The following SNX8 variants were observed in gnomAD, a reference collection of about 807,000 sequenced individuals.
The protein encoded by SNX8 is sorting nexin 8, also known as sorting nexin-8.
A neutral mutation model predicts 51.6 loss-of-function variants in SNX8; 25 were observed. The ratio of observed to expected loss-of-function variants is 0.48; its 90% CI spans 0.35 to 0.68. The LOEUF is 0.68. Ranked by LOEUF, SNX8 falls within the 30% of genes least tolerant of loss-of-function variation. SNX8 has a pLI of 0.00. For synonymous variants in SNX8, 324 were observed against 277.0 expected (o/e 1.17, Z -1.68); for missense variants, 695 against 624.0 (o/e 1.11, Z -1.21).
At chr7:2,319,642 C>G (rs532935318) in intron 1 of SNX8, among the ~76,000 whole-genome samples, 1 of 152,154 alleles carries the variant, frequency 6.6e-6, no homozygotes, top group Non-Finnish European at 1.5e-5. Flanking sequence ...GGTGAAACCC[C>G]GTCTCTACTA....
chr7:2,318,368 T>C (rs1011577793), upstream of SNX8, among the ~76,000 whole-genome samples: 1 of 151,602 alleles, frequency 6.6e-6, no homozygotes, highest in Non-Finnish European at 1.5e-5. Flanking sequence ...CTGGCCAACA[T>C]GAGGAAACCA....
chr7:2,331,682 G>A (rs1340347049), intron 1 of SNX8, among the ~76,000 whole-genome samples: 2 of 150,938 alleles, frequency 1.3e-5, no homozygotes. Flanking sequence ...TCCAGCCTGG[G>A]CAACAGAGTG....
intron 1 of SNX8, 67 bp from the exon 2 acceptor site, chr7:2,278,372 A>G (rs529291115): frequency 2.0e-6 from 2 of 1,011,892 alleles, no homozygotes; most frequent in East Asian, 2.6e-5. Flanking sequence ...GGCTGGGCAC[A>G]GTGGCGCAGC....
intron 5 of SNX8, among the ~76,000 whole-genome samples, chr7:2,268,461 GC>G (rs1429246023): frequency 1.5e-5 from 2 of 129,750 alleles, no homozygotes; most frequent in Non-Finnish European, 3.4e-5. Flanking sequence ...GGGGGGGTCA[GC>G]CCCCCGCCCG....
intron 1 of SNX8, among the ~76,000 whole-genome samples, chr7:2,352,909 CCCAAAGATACA>C (rs1025982553): frequency 6.6e-6 from 1 of 152,120 alleles, no homozygotes; most frequent in African/African-American, 2.4e-5. Flanking sequence ...AAGTGACCTG[CCCAAAGATACA>C]CCACTGACAG....
intron 1 of SNX8, among the ~76,000 whole-genome samples, chr7:2,298,748 G>C (rs1431461186): frequency 6.6e-6 from 1 of 151,786 alleles, no homozygotes; most frequent in Non-Finnish European, 1.5e-5. Flanking sequence ...CTGGAGTGCA[G>C]TGGCACGATC....
chr7:2,287,305 C>G (rs1438657815), intron 1 of SNX8, among the ~76,000 whole-genome samples: 1 of 150,186 alleles, frequency 6.7e-6, no homozygotes, highest in Non-Finnish European at 1.5e-5. Context: ...ATTGTCCAGG[C>G]GGGGTGCCTC....
chr7:2,259,150 G>A (rs1258667205), intron 7 of SNX8, among the ~76,000 whole-genome samples: 1 of 152,216 alleles, frequency 6.6e-6, no homozygotes, highest in East Asian at 1.9e-4. Flanking sequence ...TCTGGAGACA[G>A]CAGGGGTCTG....
chr7:2,285,407 C>T (rs1796005694), intron 1 of SNX8, among the ~76,000 whole-genome samples: 1 of 152,014 alleles, frequency 6.6e-6, no homozygotes, highest in South Asian at 2.1e-4. Flanking sequence ...AAAACTTTCT[C>T]TAAGCTACTA....
intron 1 of SNX8, among the ~76,000 whole-genome samples, chr7:2,304,331 T>C (rs1584723948): frequency 6.6e-6 from 1 of 151,146 alleles, no homozygotes; most frequent in African/African-American, 2.4e-5. Flanking sequence ...GATCACGAGG[T>C]CAGGAGATAG....
At chr7:2,291,052 GGGA>G (rs1184572421) in intron 1 of SNX8, among the ~76,000 whole-genome samples, 1 of 152,132 alleles carries the variant, frequency 6.6e-6, no homozygotes, top group African/African-American at 2.4e-5. Context: ...CCAGAACTTT[GGGA>G]GGCTGAGGCT....
At chr7:2,274,457 A>G (rs1795727039) in intron 3 of SNX8, among the ~76,000 whole-genome samples, 1 of 152,148 alleles carries the variant, frequency 6.6e-6, no homozygotes, top group African/African-American at 2.4e-5. Context: ...GCTGAGGGAG[A>G]GACCACCAGT....
intron 1 of SNX8, among the ~76,000 whole-genome samples, chr7:2,308,978 G>A (rs141370993): frequency 0.014 from 2,116 of 151,980 alleles, 49 homozygotes; most frequent in African/African-American, 0.048. Flanking sequence ...TTGTACAGAC[G>A]GGGTTTCACC....
rs186963758 is a variant in SNX8, at chr7:2,259,957, G to A, written c.916-2154C>T. Reference sequence around the variant, plus strand: ...TTGTCTTGAGCCACACATAAAATACGCTAACACTATGATAGCTGATGAACT... The same window carrying A: ...TTGTCTTGAGCCACACATAAAATACACTAACACTATGATAGCTGATGAACT... On this transcript the variant is annotated intron_variant, in intron 7 of 10. Coordinates refer to ENST00000222990, the MANE Select transcript of SNX8 (RefSeq NM_013321.4). Among the ~76,000 whole-genome samples, 25 of 151,848 alleles carry A rather than the reference G, an allele frequency of 1.6e-4. No homozygotes were observed. The East Asian group carries it at 3.3e-3, about 20-fold the overall frequency.
chr7:2,295,972 T>C (rs1198529182), intron 1 of SNX8, among the ~76,000 whole-genome samples: 6 of 152,202 alleles, frequency 3.9e-5, no homozygotes, highest in Non-Finnish European at 7.3e-5. Flanking sequence ...CATGCTATTT[T>C]GGTTACTACA....
chr7:2,260,241 G>A (rs1192655205), intron 7 of SNX8, among the ~76,000 whole-genome samples: 1 of 152,128 alleles, frequency 6.6e-6, no homozygotes, highest in Non-Finnish European at 1.5e-5. Context: ...GAGATTACAG[G>A]TGCCCGCCAC....
Position 2,252,748 on chromosome 7 carries a change from C to A in SNX8, c.*2308G>T. ...CCTGCCCTCTTGCTCTCTCCTCACC[C>A]CTGCCCTCCTGCTCCCCCTCACCCC... On this transcript the variant is annotated 3_prime_UTR_variant, in exon 11 of 11. Transcript: ENST00000222990. The A allele has an allele frequency of 7.2e-6, 1 of 138,624 alleles. No homozygotes were observed. 8.6% of individuals were successfully genotyped at this position (138,624 alleles called of 1,614,324 possible). A position where few individuals can be genotyped will look rare whatever the true frequency, so the allele number is the denominator to read the frequency against.
At chr7:2,310,739 C>A (rs1796642761) in intron 1 of SNX8, among the ~76,000 whole-genome samples, 1 of 148,250 alleles carries the variant, frequency 6.7e-6, no homozygotes, top group Admixed American at 6.9e-5. Flanking sequence ...CCACTGCACT[C>A]CAGCCTGGGC....
intron 7 of SNX8, among the ~76,000 whole-genome samples, chr7:2,260,432 C>T (rs1795307275): frequency 6.6e-6 from 1 of 152,180 alleles, no homozygotes; most frequent in Non-Finnish European, 1.5e-5. Context: ...ACATTCAAAG[C>T]TGTCCTGGGC....
Sources: gnomAD v4.1 joint callset for allele counts (sites outside exome capture counted in the v4.1 genomes callset) on GRCh38, gnomAD v4.1.1 for gene constraint, MANE v1.5 for transcripts, NCBI Gene and HGNC (gene_info 2026-07-23, HGNC 2026-07-21) for gene names.